The following DNAH6 variants were observed in gnomAD, a reference collection of about 807,000 sequenced individuals.
The protein encoded by DNAH6 is axonemal beta dynein heavy chain 6.
A neutral mutation model predicts 491.4 loss-of-function variants in DNAH6; 340 were observed. The observed-to-expected ratio is 0.69, with a 90% CI of 0.63 to 0.76. The LOEUF is 0.76. Among genes scored for constraint, DNAH6 ranks in the 30% least tolerant of loss-of-function variants. DNAH6 has a pLI of 0.00. For missense variants in DNAH6, 4,443 were observed against 4,972.2 expected (o/e 0.89, Z 3.20); for synonymous variants, 1,603 against 1,686.1 (o/e 0.95, Z 1.21).
intron 11 of DNAH6, among the ~76,000 whole-genome samples, chr2:84,559,067 A>G (rs1395200094): frequency 6.6e-6 from 1 of 152,230 alleles, no homozygotes; most frequent in Non-Finnish European, 1.5e-5. Context: ...CTGTCATGGT[A>G]TGATTTTAAA....
At position 84,694,242 on chromosome 2, in the gene DNAH6, T is replaced by A; in HGVS notation, c.7293-7T>A. The A allele has an allele frequency of 4.5e-6, 7 of 1,551,110 alleles. No homozygotes were observed. Among genetic ancestry groups the A allele is most frequent in the South Asian group, 2.4e-5 (2 of 84,040 alleles). The stretch of plus-strand genomic sequence containing the variant: ...TTGAAATAAACCCTCTGCTCTGATG[T>A]TTGCAGGATTGCTCGGATGATACGT... On this transcript the variant is annotated splice_polypyrimidine_tract_variant and splice_region_variant and intron_variant, in intron 45 of 76. Coordinates refer to ENST00000389394, the MANE Select transcript of DNAH6 (RefSeq NM_001370.2).
At chr2:84,673,269 C>T (rs537204322) in intron 40 of DNAH6, among the ~76,000 whole-genome samples, 18 of 84,952 alleles carry the variant, frequency 2.1e-4, no homozygotes, top group Non-Finnish European at 5.4e-4. Flanking sequence ...GTGCCGTGGG[C>T]CCATGAGGAG....
chr2:84,595,817 A>C, intron 18 of DNAH6, 28 bp downstream of exon 18: 5 of 1,522,198 alleles, frequency 3.3e-6, no homozygotes, highest in Non-Finnish European at 4.4e-6. Context: ...TATTTCAAAA[A>C]CTGTAGGCCA....
chr2:84,630,831 G>T (rs1292250252), intron 29 of DNAH6, among the ~76,000 whole-genome samples: 1 of 152,010 alleles, frequency 6.6e-6, no homozygotes, highest in Non-Finnish European at 1.5e-5. Flanking sequence ...TGATGTCTAG[G>T]GTTTGCTTTA....
intron 60 of DNAH6, among the ~76,000 whole-genome samples, chr2:84,725,417 G>T (rs954138040): frequency 5.9e-5 from 9 of 152,154 alleles, no homozygotes; most frequent in Non-Finnish European, 1.3e-4. Flanking sequence ...CATCTGTGCT[G>T]GGTTCAAACC....
intron 19 of DNAH6, 45 bp from the exon 20 acceptor site, chr2:84,605,455 A>G (rs1293150323): frequency 2.2e-6 from 3 of 1,355,196 alleles, no homozygotes; most frequent in Admixed American, 4.0e-5. Flanking sequence ...TTGAGTATCT[A>G]AACACACTGA....
rs200777363 is a variant in DNAH6 at position 84,579,539 on chromosome 2, A to T, written c.2089A>T (p.Met697Leu). 8.1e-6 allele frequency: 13 copies of T among 1,613,668 alleles called. No homozygotes were observed. The highest frequency in any genetic ancestry group is 1.0e-5 in the Non-Finnish European group (12 of 1,179,864). The change falls in exon 14 of 77, where the codon ATG becomes TTG. Residue 697 changes from methionine to leucine, a missense_variant. Met to Leu is a conservative substitution (Grantham distance 15, BLOSUM62 2). This residue lies in a region of DNAH6 where 2,977 missense variants were observed against 3,296.6 expected (regional missense o/e 0.90). Coordinates refer to ENST00000389394, the MANE Select transcript of DNAH6 (RefSeq NM_001370.2). ...GTTTCTTTCTTAGGTGCTAAATTTT[A>T]TGCTTCCTCGTCAAAGCAAGAAAAA... ...PLRCLEVLNFMLPRQSKKKVD... is the reference protein window; with the variant it reads ...PLRCLEVLNFLLPRQSKKKVD...
In DNAH6 at chr2:84,718,363, T is replaced by G; in HGVS notation, c.9771T>G (p.Ile3257Met). 3.2e-6 allele frequency: 5 copies of G among 1,540,042 alleles called. No homozygotes were observed. The highest frequency in any genetic ancestry group is 4.4e-6 in the Non-Finnish European group (5 of 1,143,848). The change falls in exon 59 of 77, where the codon ATT (isoleucine) becomes ATG (methionine). Residue 3257 changes from isoleucine (I) to methionine (M), a missense_variant. Physicochemically the swap from Ile to Met is conservative, Grantham distance 10. Transcript: ENST00000389394. ...ATATTCTGGACAATGAAGAACTTAT[T>G]GACACACTCCAGGATTCAAAGGCAA... ...EGNILDNEEL[I>M]DTLQDSKITS... is the part of the protein sequence containing the mutation.
At position 84,621,238 on chromosome 2, in the gene DNAH6, G is replaced by T; in HGVS notation, c.3840G>T (p.Trp1280Cys). The change falls in exon 25 of 77, where the codon TGG (tryptophan) becomes TGT (cysteine). Residue 1280 changes from tryptophan (W) to cysteine (C), a missense_variant. Trp to Cys is a radical substitution (Grantham distance 215, BLOSUM62 -2). Around this residue, in one of 3 missense-constraint regions of DNAH6, gnomAD observed 2,977 missense variants for 3,296.6 expected, o/e 0.90. Coordinates refer to ENST00000389394, the MANE Select transcript of DNAH6 (RefSeq NM_001370.2). ...AGGCCCGAGGCAATGTAGAGGAATG[G>T]CTTGGTAAAGTGGAAGAAGCCATGT... ...GLKARGNVEE[W>C]LGKVEEAMFT... The T allele has an allele frequency of 2.6e-6, 4 of 1,551,622 alleles. No individual in the cohort carries two copies. The highest frequency in any genetic ancestry group is 3.5e-6 in the Non-Finnish European group (4 of 1,146,894).
Position 84,772,513 on chromosome 2 carries a change from T to A in DNAH6, c.10704-8980T>A, listed in dbSNP as rs748564335. Among the ~76,000 whole-genome samples, 218 of 151,880 alleles carry A rather than the reference T, an allele frequency of 1.4e-3. 1 individual carries two copies. Among genetic ancestry groups the A allele is most frequent in the Non-Finnish European group, 1.2e-3 (84 of 67,886 alleles). On this transcript the variant is annotated intron_variant, in intron 64 of 76. Coordinates refer to ENST00000389394, the MANE Select transcript of DNAH6 (RefSeq NM_001370.2). ...AAGAGCTGAAGTGGCTATAATAATA[T>A]CAGGAAAAAAATAGACTTCAAGACG...
chr2:84,628,253 AC>A (rs1476805417), intron 29 of DNAH6, among the ~76,000 whole-genome samples: 1 of 152,196 alleles, frequency 6.6e-6, no homozygotes. Context: ...GGTTTCTGCA[AC>A]ATAAGATTTC....
Position 84,762,904 on chromosome 2 carries a change from T to C in DNAH6, c.10662T>C (p.Gly3554=). The C allele has an allele frequency of 6.4e-7, 1 of 1,551,548 alleles. No individual in the cohort carries two copies. Among genetic ancestry groups the C allele is most frequent in the Middle Eastern group, 1.7e-4 (1 of 5,992 alleles). Residue 3554 remains glycine, a synonymous_variant, in exon 64 of 77, where the codon GGT becomes GGC. Coordinates refer to ENST00000389394, the MANE Select transcript of DNAH6 (RefSeq NM_001370.2). ...FILSTGSDPM[G]AFQRFARESG... ...TAAGCACAGGCTCAGATCCCATGGG[T>C]GCATTTCAGAGGTTTGCCAGGGAAA...
intron 63 of DNAH6, among the ~76,000 whole-genome samples, chr2:84,747,550 T>A (rs1369460240): frequency 4.6e-5 from 7 of 152,198 alleles, no homozygotes; most frequent in Non-Finnish European, 1.0e-4. Context: ...GAGCTGTCCA[T>A]GTTGACTGCC....
chr2:84,582,888 G>T (rs1683171135), intron 14 of DNAH6, among the ~76,000 whole-genome samples: 1 of 152,166 alleles, frequency 6.6e-6, no homozygotes, highest in African/African-American at 2.4e-5. Flanking sequence ...AAAGTAAATG[G>T]CCTCAGTCCT....
intron 41 of DNAH6, 24 bp downstream of exon 41, chr2:84,677,160 C>T: frequency 6.4e-7 from 1 of 1,551,334 alleles, no homozygotes; most frequent in Non-Finnish European, 8.7e-7. Context: ...TTAACTTAGG[C>T]AACAGGAGGA....
chr2:84,509,794 T>C, the DNAH6 span, among the ~76,000 whole-genome samples: 1 of 152,212 alleles, frequency 6.6e-6, no homozygotes. Context: ...TCTCAGCATT[T>C]GCTTGTCTGT....
At chr2:84,771,551 C>A (rs1218027792) in intron 64 of DNAH6, among the ~76,000 whole-genome samples, 2 of 151,984 alleles carry the variant, frequency 1.3e-5, no homozygotes, top group African/African-American at 4.8e-5. Context: ...AAAGACCAGA[C>A]AAAGAAATAA....
chr2:84,536,517 A>G (rs1165648323), intron 4 of DNAH6, among the ~76,000 whole-genome samples: 1 of 152,076 alleles, frequency 6.6e-6, no homozygotes, highest in African/African-American at 2.4e-5. Context: ...TGTTTGAGAG[A>G]AATCTTCACC....
chr2:84,529,588 T>C (rs1441771949), intron 4 of DNAH6, among the ~76,000 whole-genome samples: 3 of 152,182 alleles, frequency 2.0e-5, no homozygotes, highest in Non-Finnish European at 4.4e-5. Flanking sequence ...TAACTTAGGG[T>C]ATTCATATAA....
Sources: gnomAD v4.1 joint callset for allele counts (sites outside exome capture counted in the v4.1 genomes callset) on GRCh38, gnomAD v4.1.1 for gene constraint, gnomAD v4.1.1 regional missense constraint, MANE v1.5 for transcripts, NCBI Gene and HGNC (gene_info 2026-07-23, HGNC 2026-07-21) for gene names.